The following GPC5 variants were observed in gnomAD, a reference collection of about 807,000 sequenced individuals.
GPC5 encodes glypican-5.
In GPC5, 47 loss-of-function variants were observed where a neutral mutation model predicts 53.9. The observed-to-expected ratio is 0.87, with a 90% CI of 0.69 to 1.11. The LOEUF is 1.11. Among genes scored for constraint, GPC5 ranks in the 50% most tolerant of loss-of-function variants. The pLI is 0.00. For synonymous variants in GPC5, 286 were observed against 263.3 expected (o/e 1.09, Z -0.84); for missense variants, 748 against 713.1 (o/e 1.05, Z -0.56).
intron 7 of GPC5, among the ~76,000 whole-genome samples, chr13:92,440,878 A>G (rs957899924): frequency 2.6e-5 from 4 of 152,080 alleles, no homozygotes; most frequent in East Asian, 1.9e-4. Context: ...GGCCACTTGT[A>G]TATCTTCTTT....
At chr13:92,771,105 C>T (rs1439159587) in intron 7 of GPC5, among the ~76,000 whole-genome samples, 1 of 152,088 alleles carries the variant, frequency 6.6e-6, no homozygotes, top group Non-Finnish European at 1.5e-5. Flanking sequence ...TGGACTCTCC[C>T]TGTGATCTCC....
intron 7 of GPC5, among the ~76,000 whole-genome samples, chr13:92,754,734 G>A (rs1319486320): frequency 6.6e-6 from 1 of 151,488 alleles, no homozygotes; most frequent in Non-Finnish European, 1.5e-5. Flanking sequence ...AGACAAAGAA[G>A]GCCATTACAT....
intron 2 of GPC5, among the ~76,000 whole-genome samples, chr13:91,586,296 A>G (rs2032564695): frequency 6.7e-6 from 1 of 149,196 alleles, no homozygotes; most frequent in Non-Finnish European, 1.5e-5. Context: ...ACCTGGCTAT[A>G]TGTAGGAATA....
At chr13:92,620,112 C>T (rs1884823380) in intron 7 of GPC5, among the ~76,000 whole-genome samples, 1 of 152,004 alleles carries the variant, frequency 6.6e-6, no homozygotes. Context: ...ATTAATCTTC[C>T]ATACCACTTA....
chr13:92,102,464 C>T (rs2041474956), intron 6 of GPC5, among the ~76,000 whole-genome samples: 1 of 151,934 alleles, frequency 6.6e-6, no homozygotes, highest in African/African-American at 2.4e-5. Flanking sequence ...AAAATCTGAC[C>T]TATGATTGTA....
At chr13:91,710,703 T>C (rs952465888) in intron 3 of GPC5, among the ~76,000 whole-genome samples, 2 of 152,224 alleles carry the variant, frequency 1.3e-5, no homozygotes, top group African/African-American at 4.8e-5. Flanking sequence ...GGGGCAGGAC[T>C]GAGGCTTCAC....
intron 2 of GPC5, among the ~76,000 whole-genome samples, chr13:91,523,094 A>T (rs1885914000): frequency 6.6e-6 from 1 of 152,242 alleles, no homozygotes; most frequent in South Asian, 2.1e-4. Context: ...AAAGATAACA[A>T]GTGTTGGCCA....
chr13:92,557,235 A>G (rs748474161), intron 7 of GPC5, among the ~76,000 whole-genome samples: 6 of 151,948 alleles, frequency 3.9e-5, no homozygotes, highest in Non-Finnish European at 8.8e-5. Context: ...CAGCTTGATC[A>G]GTGATAGCAT....
intron 7 of GPC5, among the ~76,000 whole-genome samples, chr13:92,285,291 A>G (rs1196746704): frequency 1.3e-5 from 2 of 152,242 alleles, no homozygotes; most frequent in African/African-American, 2.4e-5. Context: ...GGAAGAATCA[A>G]TAACATGAAA....
chr13:92,540,896 G>A (rs1881910632), intron 7 of GPC5, among the ~76,000 whole-genome samples: 4 of 151,818 alleles, frequency 2.6e-5, no homozygotes. Context: ...GACCAGCAGT[G>A]TTACCTCATT....
rs757644606 is a variant in GPC5 at position 91,934,937 on chromosome 13, G to A, written c.1401+26880G>A. Among the ~76,000 whole-genome samples the A allele has an allele frequency of 1.9e-4, 29 of 151,958 alleles. 1 individual carries two copies. Among genetic ancestry groups the A allele is most frequent in the Admixed American group, 1.2e-3 (18 of 15,238 alleles). On this transcript the variant is annotated intron_variant, in intron 6 of 7. Coordinates refer to ENST00000377067, the MANE Select transcript of GPC5 (RefSeq NM_004466.6). ...TGGAAAATAATAGATACGCATAATA[G>A]ATAAGTGATTTGCTCTTTATCCAAA...
intron 7 of GPC5, among the ~76,000 whole-genome samples, chr13:92,723,452 T>C (rs144141135): frequency 2.2e-3 from 327 of 151,922 alleles, no homozygotes; most frequent in African/African-American, 7.4e-3. Context: ...TACAGCCATA[T>C]TGGTAAAATG....
Position 92,024,488 on chromosome 13 carries a change from T to G in GPC5, c.1401+116431T>G, listed in dbSNP as rs140280262. On this transcript the variant is annotated intron_variant, in intron 6 of 7. Transcript: ENST00000377067. The stretch of plus-strand genomic sequence containing the variant: ...TTTCCTTTATAAAAGCTTTTTAACA[T>G]ATCAGCATGATCTGTAATAAACTTT... 9.7e-4 allele frequency among the ~76,000 whole-genome samples: 148 copies of G among 152,308 alleles called. 2 individuals are homozygous for G. The highest frequency in any genetic ancestry group is 3.2e-3 in the African/African-American group (131 of 41,584).
chr13:91,812,040 C>T (rs1165518780), intron 5 of GPC5, among the ~76,000 whole-genome samples: 2 of 152,036 alleles, frequency 1.3e-5, no homozygotes, highest in African/African-American at 2.4e-5. Context: ...AATAAAGTGG[C>T]GGGTAGTACC....
chr13:92,331,247 A>C (rs1185648742), intron 7 of GPC5, among the ~76,000 whole-genome samples: 1 of 152,118 alleles, frequency 6.6e-6, no homozygotes, highest in African/African-American at 2.4e-5. Context: ...GGTTTAGTGA[A>C]GCAGAAAACA....
chr13:92,635,767 T>G (rs901713105), intron 7 of GPC5, among the ~76,000 whole-genome samples: 2 of 152,248 alleles, frequency 1.3e-5, no homozygotes, highest in African/African-American at 4.8e-5. Context: ...TTAGAAGTGA[T>G]ACACATCTTT....
At chr13:91,781,392 T>C (rs939163960) in intron 5 of GPC5, among the ~76,000 whole-genome samples, 10 of 152,366 alleles carry the variant, frequency 6.6e-5, no homozygotes, top group African/African-American at 2.2e-4. Flanking sequence ...ATAGAAAAGA[T>C]GTACTGATTT....
chr13:92,245,140 T>C lies in GPC5; in HGVS notation c.1561+100151T>C, dbSNP rs144686351. ...TGTCTCTTGCAAAACACAGTTGTCC[T>C]TCAAAATCTTTGAGCTACTTCCACC... On this transcript the variant is annotated intron_variant, in intron 7 of 7. Transcript: ENST00000377067. Among the ~76,000 whole-genome samples, 253 of 152,248 alleles carry C rather than the reference T, an allele frequency of 1.7e-3. 1 individual carries two copies. The highest frequency in any genetic ancestry group is 5.8e-3 in the African/African-American group (243 of 41,566).
At chr13:91,804,557 A>C (rs547346171) in intron 5 of GPC5, among the ~76,000 whole-genome samples, 24 of 152,350 alleles carry the variant, frequency 1.6e-4, no homozygotes, top group Middle Eastern at 3.4e-3. Flanking sequence ...AGTTGCTGTT[A>C]GCCATCAAAA....
Sources: allele counts gnomAD v4.1 joint callset (sites outside exome capture counted in the v4.1 genomes callset), GRCh38; gene constraint gnomAD v4.1.1; transcripts MANE v1.5; gene names NCBI Gene and HGNC (gene_info 2026-07-23, HGNC 2026-07-21).